Variants in INCENP observed in about 807,000 individuals in gnomAD.
INCENP encodes binds and activates aurora-B and -C in vivo and in vitro.
INCENP carries 43 observed loss-of-function variants against 107.3 expected under a neutral mutation model. That is an observed-to-expected ratio of 0.40 (90% CI 0.31 to 0.52). INCENP has a LOEUF of 0.52. Ranked by LOEUF, INCENP falls within the 20% of genes least tolerant of loss-of-function variation. INCENP has a pLI of 0.53. For synonymous variants in INCENP, 488 were observed against 494.4 expected (o/e 0.99, Z 0.17); for missense variants, 1,089 against 1,250.9 (o/e 0.87, Z 1.95).
rs757649081 is a variant in INCENP at position 62,140,191 on chromosome 11, C to T, written c.1292-43C>T. 20 of 1,592,982 alleles carry T rather than the reference C, an allele frequency of 1.3e-5. No homozygotes were observed. In the Admixed American group the frequency reaches 1.7e-4, roughly 13 times the overall value. On this transcript the variant is annotated intron_variant, in intron 7 of 18. Coordinates refer to ENST00000394818, the MANE Select transcript of INCENP (RefSeq NM_001040694.2). ...TACACCCCCATTCCCACCCTGCCGC[C>T]GCCATCGTTTCTGCAGCCTTGCTGA...
chr11:62,139,062 C>A, intron 7 of INCENP, 57 bp downstream of exon 7: 1 of 1,275,172 alleles, frequency 7.8e-7, no homozygotes, highest in Non-Finnish European at 1.1e-6. Flanking sequence ...GCCTTGGCGG[C>A]CTCGGCCTGA....
At chr11:62,139,075 T>A in intron 7 of INCENP, 70 bp downstream of exon 7, 1 of 1,072,714 alleles carries the variant, frequency 9.3e-7, no homozygotes, top group Non-Finnish European at 1.4e-6. Context: ...CGGCCTGACC[T>A]TCTCTCTGGG....
intron 2 of INCENP, 29 bp downstream of exon 2, chr11:62,128,330 A>C: frequency 6.2e-7 from 1 of 1,613,508 alleles, no homozygotes. Context: ...AGAGGCTGGG[A>C]ACACCAGGGC....
chr11:62,141,544 C>T (rs762785819), intron 11 of INCENP, 33 bp downstream of exon 11: 1 of 1,613,772 alleles, frequency 6.2e-7, no homozygotes, highest in East Asian at 2.2e-5. Flanking sequence ...GGTAACCTCG[C>T]CCCACCTAGC....
chr11:62,134,414 A>C (rs917835352), intron 4 of INCENP, among the ~76,000 whole-genome samples: 8 of 151,838 alleles, frequency 5.3e-5, no homozygotes, highest in Admixed American at 1.3e-4. Flanking sequence ...AAAAAAAAAA[A>C]AAAAAAGCTT....
Position 62,150,053 on chromosome 11 carries a change from GCA to G in INCENP, c.2392-3_2392-2del, listed in dbSNP as rs1944340027. ...GGAACTGACGGCCACGTTTGTTTTT[GCA>G]GTCTCCAGCTTGTACCTCATATCAG... On this transcript the variant is annotated splice_acceptor_variant and splice_polypyrimidine_tract_variant and intron_variant, in intron 17 of 18. Coordinates refer to ENST00000394818, the MANE Select transcript of INCENP (RefSeq NM_001040694.2). LOFTEE classifies it high-confidence loss of function. 1 of 1,613,184 alleles carries G rather than the reference GCA, an allele frequency of 6.2e-7. No individual in the cohort carries two copies.
At chr11:62,142,912 G>A (rs746743694) in intron 11 of INCENP, among the ~76,000 whole-genome samples, 41 of 152,214 alleles carry the variant, frequency 2.7e-4, no homozygotes, top group Non-Finnish European at 4.9e-4. Context: ...TCATTTTCCC[G>A]ATCTCCTCTG....
intron 11 of INCENP, 197 bp downstream of exon 11, chr11:62,141,708 T>C: frequency 1.4e-6 from 1 of 697,126 alleles, no homozygotes; most frequent in Non-Finnish European, 2.5e-6. Flanking sequence ...CGTCCTTCTC[T>C]GCCCTCCCTG....
chr11:62,141,616 T>C, intron 11 of INCENP, 105 bp downstream of exon 11: 1 of 1,426,458 alleles, frequency 7.0e-7, no homozygotes, highest in East Asian at 2.3e-5. Flanking sequence ...ACTAACATTG[T>C]AAGCGGGAGG....
At chr11:62,126,340 C>T (rs1035211610) in intron 1 of INCENP, among the ~76,000 whole-genome samples, 17 of 152,086 alleles carry the variant, frequency 1.1e-4, no homozygotes, top group African/African-American at 3.6e-4. Context: ...GGATTATAGG[C>T]GTGCACCACC....
intron 10 of INCENP, 123 bp from the exon 11 acceptor site, chr11:62,141,377 G>A: frequency 1.6e-6 from 2 of 1,250,646 alleles, no homozygotes; most frequent in Admixed American, 1.7e-5. Flanking sequence ...GGCGGTGGGG[G>A]TGCTGCTGGC....
chr11:62,126,942 G>A (rs1429094866), intron 1 of INCENP, among the ~76,000 whole-genome samples: 3 of 152,088 alleles, frequency 2.0e-5, no homozygotes, highest in African/African-American at 7.2e-5. Context: ...TTCCACTGGT[G>A]GTTGATTGCA....
chr11:62,137,316 A>T (rs998805097), intron 4 of INCENP, among the ~76,000 whole-genome samples: 2 of 152,140 alleles, frequency 1.3e-5, no homozygotes, highest in Admixed American at 6.5e-5. Flanking sequence ...AAAAAGAAAA[A>T]AAATTTCTCT....
At chr11:62,149,858 G>T (rs1353571600) in intron 17 of INCENP, among the ~76,000 whole-genome samples, 199 bp from the exon 18 acceptor site, 1 of 151,322 alleles carries the variant, frequency 6.6e-6, no homozygotes, top group African/African-American at 2.4e-5. Flanking sequence ...GGAGGCGGAG[G>T]TTGCAGTGAG....
rs919771610 is a variant in INCENP at position 62,152,445 on chromosome 11, G to A, written c.*469G>A. On this transcript the variant is annotated 3_prime_UTR_variant, in exon 19 of 19. Coordinates refer to ENST00000394818, the MANE Select transcript of INCENP (RefSeq NM_001040694.2). ...GTTCCATCACCTGCGGTGTGCCTCA[G>A]GATCACCAGGTGCAGGCCCCCACCC... 6 of 165,454 alleles carry A rather than the reference G, an allele frequency of 3.6e-5. No homozygotes were observed. Among genetic ancestry groups the A allele is most frequent in the Non-Finnish European group, 6.5e-5 (5 of 77,216 alleles). 10.2% of individuals were successfully genotyped at this position (165,454 alleles called of 1,614,324 possible). A position where few individuals can be genotyped will look rare whatever the true frequency, so the allele number is the denominator to read the frequency against.
At chr11:62,144,948 C>A in intron 11 of INCENP, 34 bp from the exon 12 acceptor site, 2 of 1,565,658 alleles carry the variant, frequency 1.3e-6, no homozygotes, top group South Asian at 1.1e-5. Context: ...CGTCCTTGCT[C>A]ATGTCCCATC....
chr11:62,141,531 G>A lies in INCENP; in HGVS notation c.1605+20G>A, dbSNP rs1426356265. 3.1e-6 allele frequency: 5 copies of A among 1,614,010 alleles called. 1 individual carries two copies. In the Admixed American group the frequency reaches 8.3e-5, roughly 27 times the overall value. ...TTCGTCGTAAGTAAAGCCTTTTCCT[G>A]TCGGTAACCTCGCCCCACCTAGCAC... On this transcript the variant is annotated intron_variant, in intron 11 of 18. Coordinates refer to ENST00000394818, the MANE Select transcript of INCENP (RefSeq NM_001040694.2).
Position 62,130,289 on chromosome 11 carries a change from G to A in INCENP, c.762G>A (p.Ala254=), listed in dbSNP as rs777242885. Residue 254 remains alanine, a synonymous_variant, in exon 4 of 19, where the codon GCG becomes GCA. Coordinates refer to ENST00000394818, the MANE Select transcript of INCENP (RefSeq NM_001040694.2). ...AAGGGGTCGGGACGGGGCGGTCTGC[G>A]TCTAAGCTCAGGATTGCGCAGGTCT... The part of the protein sequence containing the change: ...KGQGVGTGRS[A]SKLRIAQVSP... The A allele has an allele frequency of 5.7e-5, 92 of 1,612,134 alleles. 1 individual carries two copies. The Admixed American group carries it at 9.8e-4, about 17-fold the overall frequency.
Position 62,141,486 on chromosome 11 carries a change from T to C in INCENP, c.1594-14T>C, listed in dbSNP as rs774903457. The C allele has an allele frequency of 6.2e-7, 1 of 1,613,990 alleles. No homozygotes were observed. The highest frequency in any genetic ancestry group is 1.1e-5 in the South Asian group (1 of 91,088). On this transcript the variant is annotated splice_polypyrimidine_tract_variant and intron_variant, in intron 10 of 18. Transcript: ENST00000394818. Reference sequence around the variant, plus strand: ...TGGCATTAACTCTTGCCTTTTCCCTTGTCTCCTCCACAGTGCAGCTTCGTC... The same window carrying C: ...TGGCATTAACTCTTGCCTTTTCCCTCGTCTCCTCCACAGTGCAGCTTCGTC...
Sources: allele counts gnomAD v4.1 joint callset (sites outside exome capture counted in the v4.1 genomes callset), GRCh38; gene constraint gnomAD v4.1.1; transcripts MANE v1.5; gene names NCBI Gene and HGNC (gene_info 2026-07-23, HGNC 2026-07-21).